ZNF385B: variants seen among roughly 807,000 people sequenced by gnomAD.
The protein encoded by ZNF385B is zinc finger protein 533.
A neutral mutation model predicts 39.2 loss-of-function variants in ZNF385B; 23 were observed. The observed-to-expected ratio is 0.59, with a 90% CI of 0.42 to 0.83. The LOEUF (loss-of-function observed/expected upper bound fraction) is 0.83. ZNF385B is among the 40% of genes least tolerant of loss of function. ZNF385B has a pLI of 0.00. For synonymous variants in ZNF385B, 205 were observed against 222.6 expected, an observed-to-expected ratio of 0.92 and a Z score of 0.70; for missense variants, 552 against 598.9, an observed-to-expected ratio of 0.92 and a Z score of 0.82.
At position 179,483,180 on chromosome 2, in the gene ZNF385B, G is replaced by C. The variant is rs1396563694; in HGVS notation, c.715+92C>G. ...ATATCACAAAAACAAATCATGGAGA[G>C]TAACATGCAACAACTGAGGGCAGGA... is the stretch of plus-strand genomic sequence containing the variant. On this transcript the variant is annotated intron_variant, in intron 6 of 9. Transcript: ENST00000410066. The C allele has an allele frequency of 3.6e-6, 5 of 1,404,260 alleles. No individual in the cohort carries two copies. In the East Asian group the frequency reaches 9.5e-5, roughly 27 times the overall value. 87.0% of individuals were successfully genotyped at this position (1,404,260 alleles called of 1,614,324 possible).
intron 3 of ZNF385B, among the ~76,000 whole-genome samples, chr2:179,766,030 T>TCTCACACACA (rs1553527783): frequency 7.8e-5 from 11 of 140,926 alleles, no homozygotes; most frequent in African/African-American, 2.7e-4. Context: ...GGTACATTGA[T>TCTCACACACA]CACACACACA....
intron 1 of ZNF385B, among the ~76,000 whole-genome samples, chr2:179,823,621 TA>T (rs1373358087): frequency 6.6e-6 from 1 of 152,180 alleles, no homozygotes; most frequent in Non-Finnish European, 1.5e-5. Context: ...ATTATATTTT[TA>T]AATAATAAAA....
intron 3 of ZNF385B, among the ~76,000 whole-genome samples, chr2:179,702,555 C>G (rs545825369): frequency 1.3e-5 from 2 of 152,230 alleles, no homozygotes; most frequent in East Asian, 1.9e-4. Context: ...TGGTCCAAGA[C>G]ATTTTATGAC....
intron 3 of ZNF385B, among the ~76,000 whole-genome samples, chr2:179,598,793 C>T (rs1401621522): frequency 6.6e-6 from 1 of 152,018 alleles, no homozygotes; most frequent in African/African-American, 2.4e-5. Context: ...ATGTTTGGTA[C>T]ATAAAAATAT....
Position 179,712,981 on chromosome 2 carries a change from C to T in ZNF385B, c.298+56522G>A, listed in dbSNP as rs556650651. 1.3e-4 allele frequency among the ~76,000 whole-genome samples: 20 copies of T among 152,272 alleles called. No individual in the cohort carries two copies. In the South Asian group the frequency reaches 4.1e-3, roughly 32 times the overall value. Reference sequence around the variant, plus strand: ...TATACCCTTTCGTGAGGCTGGGCAACAGCAGTGAGCCACAGCATCCAGTCA... The same window carrying T: ...TATACCCTTTCGTGAGGCTGGGCAATAGCAGTGAGCCACAGCATCCAGTCA... On this transcript the variant is annotated intron_variant, in intron 3 of 9. Coordinates refer to ENST00000410066, the MANE Select transcript of ZNF385B (RefSeq NM_152520.6).
chr2:179,653,104 A>T (rs1693359501), intron 3 of ZNF385B, among the ~76,000 whole-genome samples: 1 of 152,184 alleles, frequency 6.6e-6, no homozygotes, highest in East Asian at 1.9e-4. Context: ...GAAGAACGAA[A>T]ACAGTTGAGT....
At chr2:179,757,554 C>G (rs373941291) in intron 3 of ZNF385B, among the ~76,000 whole-genome samples, 1 of 152,158 alleles carries the variant, frequency 6.6e-6, no homozygotes, top group Admixed American at 6.5e-5. Context: ...TGCCCTGCCC[C>G]CAGAGGTGGA....
chr2:179,598,876 A>G (rs901039862), intron 3 of ZNF385B, among the ~76,000 whole-genome samples: 5 of 152,178 alleles, frequency 3.3e-5, no homozygotes, highest in Non-Finnish European at 5.9e-5. Flanking sequence ...TTTATTTTGG[A>G]AACAAAAAGG....
At chr2:179,449,470 G>A (rs890825158) in intron 6 of ZNF385B, among the ~76,000 whole-genome samples, 1 of 152,028 alleles carries the variant, frequency 6.6e-6, no homozygotes, top group South Asian at 2.1e-4. Context: ...GACAAACAGA[G>A]AGCCAAATCA....
intron 3 of ZNF385B, among the ~76,000 whole-genome samples, chr2:179,658,703 A>G (rs1694089564): frequency 6.6e-6 from 1 of 152,242 alleles, no homozygotes; most frequent in Non-Finnish European, 1.5e-5. Flanking sequence ...TGAAAAGTAA[A>G]AGTATCATTT....
At chr2:179,455,875 A>G (rs890325202) in intron 6 of ZNF385B, among the ~76,000 whole-genome samples, 2 of 87,760 alleles carry the variant, frequency 2.3e-5, no homozygotes, top group Non-Finnish European at 4.4e-5. Context: ...GCGAGACTGC[A>G]TCTCAAAAAA....
chr2:179,745,338 A>G (rs1230550109), intron 3 of ZNF385B, among the ~76,000 whole-genome samples: 2 of 152,162 alleles, frequency 1.3e-5, no homozygotes, highest in Non-Finnish European at 1.5e-5. Context: ...CATTTTGTTT[A>G]TAGCCTTTTT....
intron 3 of ZNF385B, among the ~76,000 whole-genome samples, chr2:179,690,494 AAAAAGCCATGT>A (rs2106342858): frequency 6.6e-6 from 1 of 152,310 alleles, no homozygotes; most frequent in South Asian, 2.1e-4. Flanking sequence ...ATTTGGTTGG[AAAAAGCCATGT>A]ATAAGTGGAC....
At chr2:179,590,028 C>G (rs1406596315) in intron 3 of ZNF385B, among the ~76,000 whole-genome samples, 3 of 152,112 alleles carry the variant, frequency 2.0e-5, no homozygotes, top group Non-Finnish European at 4.4e-5. Flanking sequence ...TTTAAAAAGG[C>G]CTGGGTTAAC....
chr2:179,483,219 G>T, intron 6 of ZNF385B, 53 bp downstream of exon 6: 1 of 1,600,526 alleles, frequency 6.2e-7, no homozygotes, highest in Non-Finnish European at 8.6e-7. Flanking sequence ...CGGGGTCAGG[G>T]CAGGGGAACA....
chr2:179,633,962 A>T (rs893037171), intron 3 of ZNF385B, among the ~76,000 whole-genome samples: 2 of 152,238 alleles, frequency 1.3e-5, no homozygotes, highest in Non-Finnish European at 2.9e-5. Flanking sequence ...TGGGAAAAGG[A>T]TTCCCTATTT....
intron 3 of ZNF385B, among the ~76,000 whole-genome samples, chr2:179,641,080 T>C (rs1386631994): frequency 4.5e-5 from 1 of 22,326 alleles, no homozygotes; most frequent in African/African-American, 2.4e-4. Context: ...ATGTGACCAC[T>C]GCATAAAAAA....
intron 6 of ZNF385B, among the ~76,000 whole-genome samples, chr2:179,475,593 G>A (rs1345878470): frequency 6.6e-6 from 1 of 151,488 alleles, no homozygotes; most frequent in Non-Finnish European, 1.5e-5. Context: ...AGAAATGAGA[G>A]CACCAATCCA....
intron 6 of ZNF385B, among the ~76,000 whole-genome samples, chr2:179,466,194 G>A (rs372520250): frequency 6.6e-6 from 1 of 152,012 alleles, no homozygotes; most frequent in Non-Finnish European, 1.5e-5. Context: ...ATCTCCTTGC[G>A]ATGTACTAGA....
Sources: gnomAD v4.1 joint callset for allele counts (sites outside exome capture counted in the v4.1 genomes callset) on GRCh38, gnomAD v4.1.1 for gene constraint, MANE v1.5 for transcripts, NCBI Gene and HGNC (gene_info 2026-07-23, HGNC 2026-07-21) for gene names.